Variants in PLS1 observed in about 807,000 individuals in gnomAD.
The protein encoded by PLS1 is plastin-1.
Under a neutral mutation model 73.7 loss-of-function variants are expected in PLS1, and 32 were observed. The observed-to-expected ratio is 0.43, with a 90% confidence interval of 0.33 to 0.58. PLS1 has a LOEUF of 0.58. Ranked by LOEUF, PLS1 falls within the 20% of genes least tolerant of loss-of-function variation. The pLI, the probability that PLS1 is intolerant of heterozygous loss-of-function variation, is 0.04. For synonymous variants in PLS1, 217 were observed against 261.3 expected (o/e 0.83, Z 1.63); for missense variants, 633 against 740.5 (o/e 0.85, Z 1.68).
chr3:142,699,546 A>C (rs1305077727), intron 12 of PLS1, among the ~76,000 whole-genome samples: 1 of 152,222 alleles, frequency 6.6e-6, no homozygotes, highest in Non-Finnish European at 1.5e-5. Context: ...TATGTTAACT[A>C]TCCTGCATGT....
intron 10 of PLS1, among the ~76,000 whole-genome samples, chr3:142,690,895 A>G (rs781391185): frequency 2.0e-5 from 3 of 152,116 alleles, no homozygotes; most frequent in Non-Finnish European, 2.9e-5. Context: ...TGGTAATGGC[A>G]GTTGTTGAAG....
At chr3:142,685,379 C>A (rs1047860075) in intron 8 of PLS1, among the ~76,000 whole-genome samples, 28 of 152,314 alleles carry the variant, frequency 1.8e-4, no homozygotes, top group African/African-American at 6.0e-4. Flanking sequence ...TGCTATATAG[C>A]AAATTATGCA....
At chr3:142,679,599 T>C (rs1266856419) in intron 6 of PLS1, among the ~76,000 whole-genome samples, 1 of 152,154 alleles carries the variant, frequency 6.6e-6, no homozygotes, top group African/African-American at 2.4e-5. Flanking sequence ...TGCGGCGTTA[T>C]TTCTGAGGGC....
chr3:142,622,272 A>T (rs1294344055), intron 1 of PLS1, among the ~76,000 whole-genome samples: 1 of 152,174 alleles, frequency 6.6e-6, no homozygotes, highest in Admixed American at 6.5e-5. Context: ...TATAATTTAG[A>T]TATGCTAGAC....
chr3:142,633,549 G>A (rs1400436720), intron 1 of PLS1, among the ~76,000 whole-genome samples: 3 of 151,968 alleles, frequency 2.0e-5, no homozygotes, highest in South Asian at 2.1e-4. Context: ...CCAGCTACTC[G>A]GGGGGCTGAG....
At chr3:142,680,504 A>T (rs1207479725) in intron 6 of PLS1, among the ~76,000 whole-genome samples, 2 of 152,204 alleles carry the variant, frequency 1.3e-5, no homozygotes, top group Non-Finnish European at 2.9e-5. Flanking sequence ...TTATTAATGA[A>T]CACCTGTTTG....
chr3:142,653,846 A>C (rs933317417), intron 1 of PLS1, among the ~76,000 whole-genome samples: 1 of 152,246 alleles, frequency 6.6e-6, no homozygotes, highest in Non-Finnish European at 1.5e-5. Flanking sequence ...TTTACAAAAA[A>C]TCAGTTTAAA....
intron 1 of PLS1, among the ~76,000 whole-genome samples, chr3:142,659,502 A>T (rs932599003): frequency 6.6e-6 from 1 of 151,996 alleles, no homozygotes; most frequent in African/African-American, 2.4e-5. Context: ...CATTTTTTTT[A>T]AATGTTTTAC....
Position 142,703,908 on chromosome 3 carries a change from A to T in PLS1, c.1412A>T (p.Lys471Met). 3 of 1,612,254 alleles carry T rather than the reference A, an allele frequency of 1.9e-6. No homozygotes were observed. Among genetic ancestry groups the T allele is most frequent in the Non-Finnish European group, 8.5e-7 (1 of 1,178,246 alleles). ...TATGCAGTGGAACTTGGGAAGAACA[A>T]GGCCAAATTCTCCTTGGTTGGCATT... ...CNYAVELGKN[K>M]AKFSLVGIAG... The change falls in exon 13 of 16, where the codon AAG becomes ATG. Residue 471 changes from lysine to methionine, a missense_variant. Transcript: ENST00000457734.
chr3:142,598,945 G>A (rs2035861302), intron 1 of PLS1, among the ~76,000 whole-genome samples: 1 of 151,620 alleles, frequency 6.6e-6, no homozygotes, highest in Non-Finnish European at 1.5e-5. Flanking sequence ...AGCTTGCAGT[G>A]AGCCAAGATT....
At chr3:142,640,558 A>G (rs950908397) in intron 1 of PLS1, among the ~76,000 whole-genome samples, 4 of 152,176 alleles carry the variant, frequency 2.6e-5, no homozygotes, top group African/African-American at 9.7e-5. Flanking sequence ...GAGAAATGGT[A>G]TTTCATTGGA....
chr3:142,683,957 G>C lies in PLS1; in HGVS notation c.580-49G>C, dbSNP rs774476535. The C allele has an allele frequency of 5.9e-6, 8 of 1,362,322 alleles. No individual in the cohort carries two copies. The Admixed American group carries it at 1.7e-4, about 29-fold the overall frequency. 84.4% of individuals were successfully genotyped at this position (1,362,322 alleles called of 1,614,324 possible). A position where few individuals can be genotyped will look rare whatever the true frequency, so the allele number is the denominator to read the frequency against. ...TCTTATAGATAATTTTTATAGATAA[G>C]ACCTTAGAAAGGACTTCCTCATGTG... On this transcript the variant is annotated intron_variant, in intron 6 of 15. Coordinates refer to ENST00000457734, the MANE Select transcript of PLS1 (RefSeq NM_001145319.2).
intron 1 of PLS1, among the ~76,000 whole-genome samples, chr3:142,628,390 AGTGTGCAT>A (rs148867740): frequency 1.5e-5 from 1 of 64,652 alleles, no homozygotes; most frequent in Non-Finnish European, 3.0e-5. Context: ...ATGTGCATGC[AGTGTGCAT>A]GTGTGCATGC....
chr3:142,628,570 T>C (rs1468522302), intron 1 of PLS1, among the ~76,000 whole-genome samples: 1 of 152,240 alleles, frequency 6.6e-6, no homozygotes, highest in African/African-American at 2.4e-5. Flanking sequence ...CATCTGAAAG[T>C]GCTTTATAAA....
At chr3:142,690,416 A>ATT (rs2038062555) in intron 10 of PLS1, among the ~76,000 whole-genome samples, 1 of 152,098 alleles carries the variant, frequency 6.6e-6, no homozygotes, top group Non-Finnish European at 1.5e-5. Flanking sequence ...CTGGGTTGAT[A>ATT]TTTTACTTTT....
chr3:142,704,683 C>G (rs1402375675), intron 14 of PLS1, 97 bp downstream of exon 14: 4 of 540,048 alleles, frequency 7.4e-6, no homozygotes, highest in Non-Finnish European at 1.1e-5. Flanking sequence ...GAGTCTCGCT[C>G]TGTCACCCAG....
intron 1 of PLS1, among the ~76,000 whole-genome samples, chr3:142,604,913 G>A (rs1272047466): frequency 6.7e-5 from 10 of 149,530 alleles, no homozygotes; most frequent in Admixed American, 6.6e-4. Flanking sequence ...TCCAGCCTGG[G>A]CAGCAGAGCA....
In PLS1 at chr3:142,711,604, A is replaced by C; in HGVS notation, c.1733A>C (p.Glu578Ala). ...EMIRRENLSD[E>A]DKLNNAKYAI... The stretch of plus-strand genomic sequence containing the variant: ...ATCAGGAGAGAAAACTTATCTGATG[A>C]GGACAAGCTGAACAATGCTAAGTAA... The change falls in exon 15 of 16, where the codon GAG becomes GCG. Residue 578 changes from glutamate to alanine, a missense_variant. Coordinates refer to ENST00000457734, the MANE Select transcript of PLS1 (RefSeq NM_001145319.2). The C allele has an allele frequency of 6.2e-7, 1 of 1,607,938 alleles. No homozygotes were observed. The highest frequency in any genetic ancestry group is 1.3e-5 in the African/African-American group (1 of 74,980).
At chr3:142,656,355 A>C (rs1196803047) in intron 1 of PLS1, among the ~76,000 whole-genome samples, 1 of 152,194 alleles carries the variant, frequency 6.6e-6, no homozygotes, top group African/African-American at 2.4e-5. Flanking sequence ...TGCTCAGGAA[A>C]TCTTTGAATT....
Sources: gnomAD v4.1 joint callset for allele counts (sites outside exome capture counted in the v4.1 genomes callset) on GRCh38, gnomAD v4.1.1 for gene constraint, MANE v1.5 for transcripts, NCBI Gene and HGNC (gene_info 2026-07-23, HGNC 2026-07-21) for gene names.